ARHGAP12: variants seen among roughly 807,000 people sequenced by gnomAD.
ARHGAP12 encodes Rho GTPase activating protein 12, also known as rho GTPase-activating protein 12.
In ARHGAP12, 64 loss-of-function variants were observed where a neutral mutation model predicts 108.6. That is an observed-to-expected ratio of 0.59 (90% CI 0.48 to 0.73). The LOEUF (loss-of-function observed/expected upper bound fraction) is 0.73, where lower values mean the gene tolerates loss of function less well. Among genes scored for constraint, ARHGAP12 ranks in the 30% least tolerant of loss-of-function variants. The pLI is 0.00. For synonymous variants in ARHGAP12, 312 were observed against 337.2 expected, an observed-to-expected ratio of 0.93 and a Z score of 0.82; for missense variants, 940 against 1,005.9, an observed-to-expected ratio of 0.93 and a Z score of 0.89.
intron 10 of ARHGAP12, among the ~76,000 whole-genome samples, chr10:31,830,339 C>A (rs1835788296): frequency 6.6e-6 from 1 of 151,822 alleles, no homozygotes; most frequent in African/African-American, 2.4e-5. Context: ...TAGATGATTT[C>A]CTTAGGTAAA....
intron 1 of ARHGAP12, among the ~76,000 whole-genome samples, chr10:31,923,007 T>C (rs1479652471): frequency 6.6e-6 from 1 of 151,966 alleles, no homozygotes; most frequent in Non-Finnish European, 1.5e-5. Flanking sequence ...GCCACACACC[T>C]GTAGTCACGG....
At chr10:31,871,489 T>C (rs913301271) in intron 3 of ARHGAP12, among the ~76,000 whole-genome samples, 11 of 152,284 alleles carry the variant, frequency 7.2e-5, no homozygotes, top group Non-Finnish European at 7.4e-5. Context: ...TTTTATCACC[T>C]TGGCCAACAG....
At chr10:31,895,983 G>A (rs1451578389) in intron 3 of ARHGAP12, among the ~76,000 whole-genome samples, 4 of 151,812 alleles carry the variant, frequency 2.6e-5, no homozygotes, top group Non-Finnish European at 5.9e-5. Flanking sequence ...GCAAACTATC[G>A]CAAGCACAAA....
intron 3 of ARHGAP12, among the ~76,000 whole-genome samples, chr10:31,862,169 A>T (rs1837140335): frequency 6.6e-6 from 1 of 152,234 alleles, no homozygotes; most frequent in Admixed American, 6.5e-5. Context: ...CTCTAACATT[A>T]AATCAGGAAC....
intron 18 of ARHGAP12, 61 bp downstream of exon 18, chr10:31,808,933 G>A: frequency 6.7e-7 from 1 of 1,486,530 alleles, no homozygotes; most frequent in African/African-American, 1.4e-5. Flanking sequence ...AAATTGGGTG[G>A]CTTAATCTGT....
intron 11 of ARHGAP12, 132 bp from the exon 12 acceptor site, chr10:31,820,620 T>C: frequency 2.2e-6 from 1 of 465,066 alleles, no homozygotes; most frequent in Non-Finnish European, 3.6e-6. Context: ...TTCTCTATTA[T>C]AAAGTAACAA....
chr10:31,888,078 G>A (rs1315008851), intron 3 of ARHGAP12, among the ~76,000 whole-genome samples: 2 of 152,034 alleles, frequency 1.3e-5, no homozygotes, highest in East Asian at 3.8e-4. Flanking sequence ...TCCCTCCCTG[G>A]TCTTCACAGC....
At chr10:31,926,229 C>T (rs547969189) in intron 1 of ARHGAP12, among the ~76,000 whole-genome samples, 16 of 151,704 alleles carry the variant, frequency 1.1e-4, no homozygotes, top group Non-Finnish European at 2.1e-4. Context: ...AATTACAAAA[C>T]GAAACTGCAG....
intron 1 of ARHGAP12, among the ~76,000 whole-genome samples, chr10:31,916,346 C>T (rs190652715): frequency 2.6e-5 from 4 of 152,264 alleles, no homozygotes; most frequent in African/African-American, 7.2e-5. Context: ...CCACCACCCC[C>T]GACACACACG....
intron 3 of ARHGAP12, among the ~76,000 whole-genome samples, chr10:31,875,188 C>A (rs553855142): frequency 6.6e-6 from 1 of 151,586 alleles, no homozygotes; most frequent in Non-Finnish European, 1.5e-5. Context: ...AAAATGCTTA[C>A]GGGAGAAAAA....
rs1356162371 is a variant in ARHGAP12 at position 31,807,847 on chromosome 10, A to G, written c.2367-15T>C. 2 of 1,496,818 alleles carry G rather than the reference A, an allele frequency of 1.3e-6. No homozygotes were observed. The highest frequency in any genetic ancestry group is 1.4e-5 in the South Asian group (1 of 72,908). The allele number at this position is 1,496,818 out of a possible 1,614,324, so 92.7% of individuals were successfully genotyped here. A position where few individuals can be genotyped will look rare whatever the true frequency, so the allele number is the denominator to read the frequency against. ...TTTCTATAACTCTGAAGGGAAAAAA[A>G]GAAGTTGTTAAAAGAGAAAATAAGA... On this transcript the variant is annotated splice_polypyrimidine_tract_variant and intron_variant, in intron 19 of 19. Coordinates refer to ENST00000344936, the MANE Select transcript of ARHGAP12 (RefSeq NM_018287.7).
At chr10:31,820,129 C>G (rs562139479) in intron 12 of ARHGAP12, among the ~76,000 whole-genome samples, 1 of 152,096 alleles carries the variant, frequency 6.6e-6, no homozygotes, top group Admixed American at 6.5e-5. Context: ...AAGGGAACCA[C>G]ATCCTTTTTA....
At chr10:31,813,030 C>T (rs1303164625) in intron 14 of ARHGAP12, among the ~76,000 whole-genome samples, 1 of 152,062 alleles carries the variant, frequency 6.6e-6, no homozygotes, top group Non-Finnish European at 1.5e-5. Flanking sequence ...CCAAACAAAA[C>T]ATTTCATTTT....
intron 13 of ARHGAP12, among the ~76,000 whole-genome samples, chr10:31,817,396 G>A (rs922211204): frequency 3.9e-5 from 6 of 152,264 alleles, no homozygotes; most frequent in Admixed American, 3.3e-4. Flanking sequence ...AAGAAAAAGT[G>A]CTAATGAAGA....
chr10:31,895,873 A>G (rs531108053), intron 3 of ARHGAP12, among the ~76,000 whole-genome samples: 4 of 152,354 alleles, frequency 2.6e-5, no homozygotes, highest in Non-Finnish European at 4.4e-5. Context: ...CATTAAGAAA[A>G]TGTGGCACAT....
intron 6 of ARHGAP12, among the ~76,000 whole-genome samples, chr10:31,849,838 T>A (rs1260615212): frequency 6.6e-6 from 1 of 152,210 alleles, no homozygotes; most frequent in Non-Finnish European, 1.5e-5. Flanking sequence ...AGGTCTTGAT[T>A]CAGTCTCTTG....
intron 10 of ARHGAP12, among the ~76,000 whole-genome samples, chr10:31,828,670 C>G (rs183698716): frequency 4.0e-4 from 61 of 152,188 alleles, no homozygotes; most frequent in African/African-American, 1.4e-3. Context: ...ACTTGCGTGA[C>G]TTAGTTGCAA....
At chr10:31,809,431 T>C (rs1191002167) in intron 16 of ARHGAP12, 124 bp from the exon 17 acceptor site, 42 of 848,304 alleles carry the variant, frequency 5.0e-5, no homozygotes, top group Non-Finnish European at 8.1e-5. Flanking sequence ...TGGGCAAATA[T>C]TCTTTTTCTC....
chr10:31,906,895 A>T (rs1308697657), intron 3 of ARHGAP12, among the ~76,000 whole-genome samples: 1 of 152,168 alleles, frequency 6.6e-6, no homozygotes, highest in Non-Finnish European at 1.5e-5. Flanking sequence ...ATATAGAAAA[A>T]TTCCAGGAAA....
Sources: allele counts gnomAD v4.1 joint callset (sites outside exome capture counted in the v4.1 genomes callset), GRCh38; gene constraint gnomAD v4.1.1; transcripts MANE v1.5; gene names NCBI Gene and HGNC (gene_info 2026-07-23, HGNC 2026-07-21).